The following STX18 variants were observed in gnomAD, a reference collection of about 807,000 sequenced individuals.
The protein encoded by STX18 is syntaxin 18.
A neutral mutation model predicts 50.1 loss-of-function variants in STX18; 40 were observed. The ratio of observed to expected loss-of-function variants is 0.80; its 90% CI spans 0.62 to 1.04. The LOEUF (loss-of-function observed/expected upper bound fraction) is 1.04. STX18 is among the 50% of genes least tolerant of loss of function. The probability of loss-of-function intolerance (pLI) is 0.00; values close to 1 mark genes in which losing one functional copy is unlikely to be tolerated. For missense variants in STX18, 410 were observed against 415.8 expected (o/e 0.99, Z 0.12); for synonymous variants, 158 against 151.8 (o/e 1.04, Z -0.30).
intron 1 of STX18, among the ~76,000 whole-genome samples, chr4:4,496,578 C>A (rs1485358280): frequency 2.0e-5 from 3 of 152,164 alleles, no homozygotes; most frequent in African/African-American, 7.2e-5. Context: ...CTTACCCAAG[C>A]CTTTGCGCTA....
intron 2 of STX18, among the ~76,000 whole-genome samples, chr4:4,466,871 C>T (rs186597704): frequency 3.4e-4 from 51 of 152,208 alleles, no homozygotes; most frequent in Admixed American, 1.0e-3. Flanking sequence ...AATCAGCCTC[C>T]CTGAAGATTT....
chr4:4,501,597 C>T (rs1382537469), intron 1 of STX18, among the ~76,000 whole-genome samples: 2 of 152,120 alleles, frequency 1.3e-5, no homozygotes, highest in Non-Finnish European at 2.9e-5. Context: ...TTTTATGATT[C>T]TTATCTTTTG....
At chr4:4,534,405 T>C (rs1731240522) in intron 1 of STX18, among the ~76,000 whole-genome samples, 1 of 152,224 alleles carries the variant, frequency 6.6e-6, no homozygotes, top group African/African-American at 2.4e-5. Flanking sequence ...AAGCTGGAAA[T>C]TATTCTACCT....
At chr4:4,443,273 T>C (rs1726215794) in intron 5 of STX18, among the ~76,000 whole-genome samples, 1 of 152,258 alleles carries the variant, frequency 6.6e-6, no homozygotes, top group Non-Finnish European at 1.5e-5. Flanking sequence ...AAAATCCACA[T>C]GTCCATCAAC....
At chr4:4,440,970 G>A (rs542160042) in intron 5 of STX18, among the ~76,000 whole-genome samples, 15 of 152,284 alleles carry the variant, frequency 9.9e-5, no homozygotes, top group Admixed American at 9.8e-4. Flanking sequence ...TCATCTGAAG[G>A]GCTGACCAGG....
intron 5 of STX18, among the ~76,000 whole-genome samples, chr4:4,447,506 G>C (rs1279818197): frequency 6.8e-6 from 1 of 146,804 alleles, no homozygotes; most frequent in South Asian, 2.2e-4. Context: ...CAGGAGAATG[G>C]CGTGAACCCG....
At chr4:4,517,932 G>A (rs150506629) in intron 1 of STX18, among the ~76,000 whole-genome samples, 3,398 of 151,854 alleles carry the variant, frequency 0.022, 55 homozygotes, top group South Asian at 0.038. Flanking sequence ...CTGCCACCAC[G>A]CCTGGCTAAT....
intron 7 of STX18, among the ~76,000 whole-genome samples, chr4:4,434,066 T>C (rs547490366): frequency 6.6e-6 from 1 of 152,358 alleles, no homozygotes; most frequent in East Asian, 1.9e-4. Context: ...ACACTTAAAA[T>C]GCTATCACTT....
intron 2 of STX18, among the ~76,000 whole-genome samples, chr4:4,466,169 A>G (rs962154997): frequency 6.6e-5 from 10 of 152,128 alleles, no homozygotes. Context: ...TGGCTTTCAG[A>G]TAGGAAGGCA....
intron 7 of STX18, chr4:4,425,857 C>A (rs556728056): frequency 4.5e-4 from 68 of 152,686 alleles, no homozygotes; most frequent in Admixed American, 9.1e-4. Flanking sequence ...GAGCTTGGCA[C>A]AGACAGTTGC....
At chr4:4,474,051 C>T (rs1386875881) in intron 1 of STX18, among the ~76,000 whole-genome samples, 2 of 152,158 alleles carry the variant, frequency 1.3e-5, no homozygotes, top group Non-Finnish European at 2.9e-5. Context: ...CTTCCCCTCA[C>T]TTGCATACCC....
intron 1 of STX18, chr4:4,507,652 C>G: frequency 1.3e-6 from 1 of 780,172 alleles, no homozygotes; most frequent in Non-Finnish European, 2.3e-6. Context: ...TGGATGGCAG[C>G]CGGCTCATAA....
At chr4:4,454,332 G>A (rs1207865467) in intron 5 of STX18, among the ~76,000 whole-genome samples, 1 of 152,160 alleles carries the variant, frequency 6.6e-6, no homozygotes, top group Non-Finnish European at 1.5e-5. Context: ...GCTATACTTC[G>A]CTGTCTAAAT....
chr4:4,465,408 T>C (rs1442782107), intron 2 of STX18, among the ~76,000 whole-genome samples: 1 of 152,200 alleles, frequency 6.6e-6, no homozygotes, highest in Non-Finnish European at 1.5e-5. Context: ...ATATACATCA[T>C]GGAATACTAT....
At position 4,420,648 on chromosome 4, in the gene STX18, G is replaced by A; in HGVS notation, c.912+216C>T. On this transcript the variant is annotated intron_variant, in intron 10 of 10. Coordinates refer to ENST00000306200, the MANE Select transcript of STX18 (RefSeq NM_016930.4). This position sits in a 1 kb window ranked among gnomAD's most constrained non-coding sequence, Gnocchi z 4.3. Reference sequence around the variant, plus strand: ...ACCCACCCTGGATTGCTCCTTTGGAGGCTGGTGAGCCACTGCCTCTCGAAA... The same window carrying A: ...ACCCACCCTGGATTGCTCCTTTGGAAGCTGGTGAGCCACTGCCTCTCGAAA... 1.8e-6 allele frequency: 1 copy of A among 566,456 alleles called. No homozygotes were observed. The highest frequency in any genetic ancestry group is 3.1e-6 in the Non-Finnish European group (1 of 319,366). 35.1% of individuals were successfully genotyped at this position (566,456 alleles called of 1,614,324 possible). A position where few individuals can be genotyped will look rare whatever the true frequency, so the allele number is the denominator to read the frequency against.
chr4:4,465,555 T>G (rs907774898), intron 2 of STX18, among the ~76,000 whole-genome samples: 20 of 152,250 alleles, frequency 1.3e-4, no homozygotes, highest in Admixed American at 1.0e-3. Context: ...AGCTGAATTA[T>G]GGGAACGCAT....
At chr4:4,459,329 C>T (rs1382925744) in intron 3 of STX18, 43 bp downstream of exon 3, 6 of 1,413,316 alleles carry the variant, frequency 4.2e-6, no homozygotes, top group Non-Finnish European at 6.0e-6. Flanking sequence ...TAACTACTTG[C>T]TATATTCATG....
At chr4:4,448,963 C>T (rs923883380) in intron 5 of STX18, among the ~76,000 whole-genome samples, 1 of 151,260 alleles carries the variant, frequency 6.6e-6, no homozygotes, top group African/African-American at 2.4e-5. Context: ...TTGTTGCAAA[C>T]ACTAAAAAAG....
chr4:4,487,375 A>G (rs1728745145), intron 1 of STX18, among the ~76,000 whole-genome samples: 1 of 152,238 alleles, frequency 6.6e-6, no homozygotes, highest in Non-Finnish European at 1.5e-5. Context: ...AATAAATCAT[A>G]TTGAACATTT....
Sources: allele counts gnomAD v4.1 joint callset (sites outside exome capture counted in the v4.1 genomes callset), GRCh38; gene constraint gnomAD v4.1.1; non-coding constraint Gnocchi (gnomAD v3.1); transcripts MANE v1.5; gene names NCBI Gene and HGNC (gene_info 2026-07-23, HGNC 2026-07-21).